Variants in JAK1 observed in about 807,000 individuals in gnomAD.
JAK1 encodes Janus kinase 1, also known as tyrosine-protein kinase JAK1.
In JAK1, 16 loss-of-function variants were observed where a neutral mutation model predicts 136.6. That is an observed-to-expected ratio of 0.12 (90% CI 0.08 to 0.18). The LOEUF (loss-of-function observed/expected upper bound fraction) is 0.18, where lower values mean the gene tolerates loss of function less well. Ranked by LOEUF, JAK1 falls within the 10% of genes least tolerant of loss-of-function variation. The pLI, the probability that JAK1 is intolerant of heterozygous loss-of-function variation, is 1.00. For missense variants in JAK1, 859 were observed against 1,450.1 expected (o/e 0.59, Z 6.62); for synonymous variants, 492 against 519.5 (o/e 0.95, Z 0.72).
chr1:64,889,857 G>A (rs1644909430), intron 1 of JAK1, among the ~76,000 whole-genome samples: 1 of 152,200 alleles, frequency 6.6e-6, no homozygotes, highest in Admixed American at 6.5e-5. Flanking sequence ...TCATCAGAAT[G>A]AGACCACTTT....
intron 2 of JAK1, among the ~76,000 whole-genome samples, chr1:65,031,361 A>G (rs1007674278): frequency 6.6e-6 from 1 of 152,152 alleles, no homozygotes; most frequent in Non-Finnish European, 1.5e-5. Flanking sequence ...ATCATTAGGC[A>G]AGTCAGAATA....
chr1:64,960,518 T>C (rs1294715400), intron 1 of JAK1, among the ~76,000 whole-genome samples: 1 of 152,154 alleles, frequency 6.6e-6, no homozygotes, highest in Non-Finnish European at 1.5e-5. Context: ...GTACCATAAA[T>C]TGATGTGATT....
chr1:64,914,056 C>T (rs1285544167), intron 1 of JAK1, among the ~76,000 whole-genome samples: 2 of 152,156 alleles, frequency 1.3e-5, no homozygotes, highest in African/African-American at 4.8e-5. Flanking sequence ...GTAGCCAAGA[C>T]TCTACAATGC....
chr1:64,871,729 ACAG>A (rs2101147036), intron 5 of JAK1, among the ~76,000 whole-genome samples: 1 of 152,278 alleles, frequency 6.6e-6, no homozygotes, highest in South Asian at 2.1e-4. Flanking sequence ...TTCAAGATGA[ACAG>A]CAGATCTACT....
chr1:64,956,680 C>T (rs1646193751), intron 1 of JAK1, among the ~76,000 whole-genome samples: 1 of 152,182 alleles, frequency 6.6e-6, no homozygotes, highest in South Asian at 2.1e-4. Context: ...CCCAGTGTCC[C>T]CAGTGCCTTG....
At chr1:64,956,526 C>A (rs550565818) in intron 1 of JAK1, among the ~76,000 whole-genome samples, 102 of 152,340 alleles carry the variant, frequency 6.7e-4, no homozygotes, top group African/African-American at 1.9e-3. Flanking sequence ...CTTCTCCCAA[C>A]CCCCCAACCT....
chr1:64,873,967 G>A (rs1347538236), intron 4 of JAK1, among the ~76,000 whole-genome samples: 1 of 152,168 alleles, frequency 6.6e-6, no homozygotes, highest in African/African-American at 2.4e-5. Flanking sequence ...TACAGCTTAC[G>A]TGGCAGTGTT....
rs1654345194 is a variant in JAK1 at position 64,834,540 on chromosome 1, A to G, written c.*22T>C. 1.4e-6 allele frequency: 2 copies of G among 1,473,386 alleles called. No homozygotes were observed. Among genetic ancestry groups the G allele is most frequent in the African/African-American group, 2.8e-5 (2 of 71,954 alleles). 91.3% of individuals were successfully genotyped at this position (1,473,386 alleles called of 1,614,324 possible). A position where few individuals can be genotyped will look rare whatever the true frequency, so the allele number is the denominator to read the frequency against. The stretch of plus-strand genomic sequence containing the variant: ...GGAGAAGGACTTGATAATCTGTGGA[A>G]TTTAAATGTTATTCATGCTTCTTAT... On this transcript the variant is annotated 3_prime_UTR_variant, in exon 25 of 25. Coordinates refer to ENST00000342505, the MANE Select transcript of JAK1 (RefSeq NM_002227.4).
At position 64,940,320 on chromosome 1, in the gene JAK1, C is replaced by CTTTTT. The variant is rs34933566; in HGVS notation, c.-78+26008_-78+26012dup. On this transcript the variant is annotated intron_variant, in intron 1 of 24. Transcript: ENST00000342505. The stretch of plus-strand genomic sequence containing the variant: ...ACCTAGCTTATACCAATTTCAATTT[C>CTTTTT]TTTTTTTTTTTTTTTTGAGATAGTC... 1.3e-4 allele frequency among the ~76,000 whole-genome samples: 18 copies of CTTTTT among 140,390 alleles called. 1 individual carries two copies. Among genetic ancestry groups the CTTTTT allele is most frequent in the Non-Finnish European group, 4.6e-5 (3 of 65,412 alleles). 92.1% of individuals were successfully genotyped at this position (140,390 alleles called of 152,430 possible). A position where few individuals can be genotyped will look rare whatever the true frequency, so the allele number is the denominator to read the frequency against.
intron 1 of JAK1, among the ~76,000 whole-genome samples, chr1:64,943,503 T>G (rs1445656315): frequency 6.6e-6 from 1 of 152,194 alleles, no homozygotes; most frequent in Non-Finnish European, 1.5e-5. Flanking sequence ...TGATTTTTTG[T>G]GGTAGGACAA....
In JAK1 at chr1:64,833,715, G is replaced by C. The variant is rs1366354734; in HGVS notation, c.*847C>G. 4.3e-6 allele frequency: 1 copy of C among 232,972 alleles called. No homozygotes were observed. Among genetic ancestry groups the C allele is most frequent in the Non-Finnish European group, 8.5e-6 (1 of 117,920 alleles). 14.4% of individuals were successfully genotyped at this position (232,972 alleles called of 1,614,324 possible). On this transcript the variant is annotated 3_prime_UTR_variant, in exon 25 of 25. Coordinates refer to ENST00000342505, the MANE Select transcript of JAK1 (RefSeq NM_002227.4). ...TGGTTGCATACAGCATTCAAAACCAGTGCTGGAATAGCTTGCCCCAAAGTG... is the reference window on the plus strand; with the variant it reads ...TGGTTGCATACAGCATTCAAAACCACTGCTGGAATAGCTTGCCCCAAAGTG...
At chr1:64,841,963 G>C (rs1312029938) in intron 17 of JAK1, among the ~76,000 whole-genome samples, 1 of 152,160 alleles carries the variant, frequency 6.6e-6, no homozygotes, top group African/African-American at 2.4e-5. Flanking sequence ...AATCAGATAT[G>C]AACAAATATT....
At chr1:64,841,723 T>A (rs1654919446) in intron 17 of JAK1, 122 bp from the exon 18 acceptor site, 2 of 972,958 alleles carry the variant, frequency 2.1e-6, no homozygotes, top group South Asian at 3.0e-5. Flanking sequence ...ACAGGTAGAT[T>A]TCGTAAGTGT....
At chr1:64,895,594 T>C (rs569225768) in intron 1 of JAK1, among the ~76,000 whole-genome samples, 1 of 152,354 alleles carries the variant, frequency 6.6e-6, no homozygotes, top group African/African-American at 2.4e-5. Flanking sequence ...TCTCACAATG[T>C]ATAGCCTATG....
chr1:64,847,294 TG>T (rs891861967), intron 13 of JAK1, among the ~76,000 whole-genome samples: 1 of 147,466 alleles, frequency 6.8e-6, no homozygotes, highest in Non-Finnish European at 1.5e-5. Flanking sequence ...TTAGGAAAGG[TG>T]GGGGTTGGGG....
intron 1 of JAK1, among the ~76,000 whole-genome samples, chr1:65,050,766 C>CT (rs1647262626): frequency 6.6e-6 from 1 of 152,186 alleles, no homozygotes; most frequent in Non-Finnish European, 1.5e-5. Context: ...GGGTCTAACT[C>CT]TGTTTCGAAG....
intron 5 of JAK1, among the ~76,000 whole-genome samples, chr1:64,870,810 C>T (rs1048452434): frequency 1.3e-5 from 2 of 152,156 alleles, no homozygotes; most frequent in African/African-American, 4.8e-5. Context: ...TTGTTTCTCT[C>T]AGGTGAGGAA....
At position 64,844,196 on chromosome 1, in the gene JAK1, T is replaced by G. The variant is rs907333268; in HGVS notation, c.2271A>C (p.Pro757=). Residue 757 remains proline, a synonymous_variant, in exon 17 of 25, where the codon CCA becomes CCC. Coordinates refer to ENST00000342505, the MANE Select transcript of JAK1 (RefSeq NM_002227.4). This position sits in a 1 kb window ranked among gnomAD's most constrained non-coding sequence, Gnocchi z 5.7. ...CCTCAACACACTCAGGAGCAATCCA[T>G]GGGATTCGTTCAATGCATTCTGGAA... The part of the protein sequence containing the change: ...LSRQECIERI[P]WIAPECVEDS... The G allele has an allele frequency of 1.2e-5, 19 of 1,614,058 alleles. No homozygotes were observed. The highest frequency in any genetic ancestry group is 1.6e-5 in the Non-Finnish European group (19 of 1,180,038).
At chr1:64,946,213 C>T (rs1439734852) in intron 1 of JAK1, among the ~76,000 whole-genome samples, 2 of 152,232 alleles carry the variant, frequency 1.3e-5, no homozygotes, top group African/African-American at 2.4e-5. Flanking sequence ...TACAGAGATC[C>T]TCACACAGTG....
Sources: allele counts gnomAD v4.1 joint callset (sites outside exome capture counted in the v4.1 genomes callset), GRCh38; gene constraint gnomAD v4.1.1; non-coding constraint Gnocchi (gnomAD v3.1); transcripts MANE v1.5; gene names NCBI Gene and HGNC (gene_info 2026-07-23, HGNC 2026-07-21).